Variants in HECTD4 observed in about 807,000 individuals in gnomAD.
HECTD4 encodes the protein HECT domain E3 ubiquitin protein ligase 4, also known as probable E3 ubiquitin-protein ligase HECTD4.
In HECTD4, 114 loss-of-function variants were observed where a neutral mutation model predicts 471.5. The observed-to-expected ratio is 0.24, with a 90% CI of 0.21 to 0.28. The LOEUF is 0.28. Ranked by LOEUF, HECTD4 falls within the 10% of genes least tolerant of loss-of-function variation. HECTD4 has a pLI of 1.00. For synonymous variants in HECTD4, 2,012 were observed against 2,256.0 expected, an observed-to-expected ratio of 0.89 and a Z score of 3.07; for missense variants, 3,866 against 5,651.5, an observed-to-expected ratio of 0.68 and a Z score of 10.13.
At position 112,231,674 on chromosome 12, in the gene HECTD4, G is replaced by A; in HGVS notation, c.6039C>T (p.Ala2013=). ...GTGCCCACTTGGTGGCTTTCCGCAG[G>A]GCGGCTGCAGCCTCTTCTGTAATCA... ...CEVITEEAAA[A]LRKATKWAQS... is the part of the protein sequence containing the mutation. The change falls in exon 39 of 76, where the codon GCC becomes GCT. Residue 2013 remains alanine, a synonymous_variant. Coordinates refer to ENST00000682272, the MANE Select transcript of HECTD4 (RefSeq NM_001388303.1). 1 of 1,613,092 alleles carries A rather than the reference G, an allele frequency of 6.2e-7. No homozygotes were observed. Among genetic ancestry groups the A allele is most frequent in the Non-Finnish European group, 8.5e-7 (1 of 1,179,830 alleles).
At chr12:112,357,719 A>C (rs1158766906) in intron 1 of HECTD4, among the ~76,000 whole-genome samples, 2 of 152,256 alleles carry the variant, frequency 1.3e-5, no homozygotes, top group Non-Finnish European at 2.9e-5. Context: ...CATAGCATTC[A>C]AAAAAGACTC....
At position 112,239,997 on chromosome 12, in the gene HECTD4, G is replaced by C; in HGVS notation, c.4989C>G (p.Val1663=). 6.2e-7 allele frequency: 1 copy of C among 1,613,924 alleles called. No individual in the cohort carries two copies. ...CGCCAAAGGCTTCCTGGACCTGCTC[G>C]ACCATCCCACCACATGTGAGTTCTT... The part of the protein sequence containing the change: ...RIEELTCGGM[V]EQVQEAFGET... Residue 1663 remains valine (V), a synonymous_variant, in exon 33 of 76, where the codon GTC becomes GTG. Transcript: ENST00000682272. This position sits in a 1 kb window ranked among gnomAD's most constrained non-coding sequence, Gnocchi z 4.9.
chr12:112,376,075 T>TA (rs1344629959), intron 1 of HECTD4, among the ~76,000 whole-genome samples: 6 of 151,090 alleles, frequency 4.0e-5, no homozygotes, highest in African/African-American at 9.7e-5. Flanking sequence ...GACTCCTGTC[T>TA]AAAAAAAAAT....
At chr12:112,259,733 A>G (rs1054005330) in intron 18 of HECTD4, among the ~76,000 whole-genome samples, 1 of 152,064 alleles carries the variant, frequency 6.6e-6, no homozygotes, top group Non-Finnish European at 1.5e-5. Context: ...GAAGCACTTT[A>G]CAAATGGATT....
rs10675861 is a variant in HECTD4, at chr12:112,293,543, A to AAATCAATCAATCAATC, written c.1336-10257_1336-10242dup. ...GGCGACAGAAAAAGATTCCATCTCAAAATCAATCAATCAATCAATCAATCT... is the reference window on the plus strand; with the variant it reads ...GGCGACAGAAAAAGATTCCATCTCAAAATCAATCAATCAATCAATCAATCAATCAATCAATCAATCT... On this transcript the variant is annotated intron_variant, in intron 7 of 75. Coordinates refer to ENST00000682272, the MANE Select transcript of HECTD4 (RefSeq NM_001388303.1). Among the ~76,000 whole-genome samples the AAATCAATCAATCAATC allele has an allele frequency of 2.8e-3, 424 of 151,196 alleles. 2 individuals are homozygous for AAATCAATCAATCAATC. Among genetic ancestry groups the AAATCAATCAATCAATC allele is most frequent in the African/African-American group, 8.6e-3 (352 of 41,034 alleles).
At chr12:112,308,684 C>A in intron 6 of HECTD4, 69 bp downstream of exon 6, 2 of 1,338,754 alleles carry the variant, frequency 1.5e-6, no homozygotes, top group Non-Finnish European at 2.0e-6. Context: ...ATTATTACTT[C>A]TGATGATATA....
chr12:112,182,537 T>A (rs1430089415), intron 62 of HECTD4, among the ~76,000 whole-genome samples: 3 of 152,230 alleles, frequency 2.0e-5, no homozygotes, highest in Admixed American at 6.5e-5. Context: ...ACGCATGAGC[T>A]GTCCTCAAGC....
At chr12:112,338,697 C>T (rs1594057307) in intron 1 of HECTD4, among the ~76,000 whole-genome samples, 2 of 152,264 alleles carry the variant, frequency 1.3e-5, no homozygotes, top group East Asian at 3.9e-4. Flanking sequence ...GTTTAACTGG[C>T]TCACAGTTCT....
chr12:112,217,432 C>A (rs1362579819), intron 45 of HECTD4, among the ~76,000 whole-genome samples: 2 of 152,194 alleles, frequency 1.3e-5, no homozygotes, highest in Admixed American at 6.5e-5. Context: ...TAGCTCGCTG[C>A]AGCCTCAAGC....
At position 112,345,979 on chromosome 12, in the gene HECTD4, G is replaced by A. The variant is rs372632478; in HGVS notation, c.178-26237C>T. Among the ~76,000 whole-genome samples the A allele has an allele frequency of 1.2e-4, 19 of 152,370 alleles. No homozygotes were observed. The South Asian group carries it at 3.9e-3, about 32-fold the overall frequency. On this transcript the variant is annotated intron_variant, in intron 1 of 75. Transcript: ENST00000682272. ...GGAGCTATGGCTCAAGAACTCACAG[G>A]AAGTCTGGTAGTTAGGAGAAACATT...
At chr12:112,204,353 T>C in intron 53 of HECTD4, 133 bp downstream of exon 53, 3 of 860,138 alleles carry the variant, frequency 3.5e-6, no homozygotes, top group Non-Finnish European at 5.5e-6. Context: ...TGGGGCGGTG[T>C]GGAAGAGGTT....
chr12:112,328,817 T>C (rs1449661277), intron 1 of HECTD4, among the ~76,000 whole-genome samples: 1 of 152,208 alleles, frequency 6.6e-6, no homozygotes, highest in South Asian at 2.1e-4. Context: ...GATATTAAAT[T>C]TCCACACTTT....
intron 44 of HECTD4, among the ~76,000 whole-genome samples, chr12:112,222,575 G>A (rs1326193013): frequency 6.6e-6 from 1 of 152,204 alleles, no homozygotes; most frequent in Non-Finnish European, 1.5e-5. Flanking sequence ...GCTGAGGCAG[G>A]AGAATCACCT....
At chr12:112,224,454 G>A (rs2033177603) in intron 44 of HECTD4, among the ~76,000 whole-genome samples, 1 of 151,964 alleles carries the variant, frequency 6.6e-6, no homozygotes, top group South Asian at 2.1e-4. Context: ...TTTTAGTGGA[G>A]ACGGGGTTTC....
chr12:112,298,881 CAAAA>C (rs374274010), intron 7 of HECTD4, among the ~76,000 whole-genome samples: 1 of 90,332 alleles, frequency 1.1e-5, no homozygotes, highest in Non-Finnish European at 2.5e-5. Context: ...GACTCCATCT[CAAAA>C]AAAAAAAAAA....
At chr12:112,305,964 A>G in intron 7 of HECTD4, 100 bp downstream of exon 7, 1 of 1,100,930 alleles carries the variant, frequency 9.1e-7, no homozygotes, top group Middle Eastern at 2.1e-4. Context: ...TGAACACACT[A>G]TACACGCTGC....
chr12:112,323,865 T>A (rs1289356074), intron 1 of HECTD4, among the ~76,000 whole-genome samples: 2 of 151,854 alleles, frequency 1.3e-5, no homozygotes, highest in Non-Finnish European at 2.9e-5. Flanking sequence ...TATAGTTGTA[T>A]TCAACTAGAT....
intron 55 of HECTD4, among the ~76,000 whole-genome samples, chr12:112,197,000 C>T (rs966326800): frequency 6.6e-6 from 1 of 151,740 alleles, no homozygotes. Flanking sequence ...CTTACCATGT[C>T]GGCTAGGCTG....
At position 112,162,164 on chromosome 12, in the gene HECTD4, A is replaced by T. The variant is rs1003570815; in HGVS notation, c.*223T>A. On this transcript the variant is annotated 3_prime_UTR_variant, in exon 76 of 76. Coordinates refer to ENST00000682272, the MANE Select transcript of HECTD4 (RefSeq NM_001388303.1). This position sits in a 1 kb window ranked among gnomAD's most constrained non-coding sequence, Gnocchi z 5.2. ...CTGTCTGGGAACTAAACTATCCTAC[A>T]AATAGACCACAAACAGGCAGCAAAA... 12 of 544,730 alleles carry T rather than the reference A, an allele frequency of 2.2e-5. No homozygotes were observed. The African/African-American group carries it at 2.3e-4, about 10-fold the overall frequency. 33.7% of individuals were successfully genotyped at this position (544,730 alleles called of 1,614,324 possible).
Sources: gnomAD v4.1 joint callset for allele counts (sites outside exome capture counted in the v4.1 genomes callset) on GRCh38, gnomAD v4.1.1 for gene constraint, Gnocchi (gnomAD v3.1) non-coding constraint, MANE v1.5 for transcripts, NCBI Gene and HGNC (gene_info 2026-07-23, HGNC 2026-07-21) for gene names.